The following ZNF644 variants were observed in gnomAD, a reference collection of about 807,000 sequenced individuals.
The protein encoded by ZNF644 is zinc finger protein 644.
A neutral mutation model predicts 108.0 loss-of-function variants in ZNF644; 20 were observed. The observed-to-expected ratio is 0.19, with a 90% CI of 0.13 to 0.27. The LOEUF (loss-of-function observed/expected upper bound fraction) is 0.27, where lower values mean the gene tolerates loss of function less well. ZNF644 is among the 10% of genes least tolerant of loss of function. The pLI is 1.00. For synonymous variants in ZNF644, 542 were observed against 539.1 expected, an observed-to-expected ratio of 1.01 and a Z score of -0.08; for missense variants, 1,338 against 1,548.9, an observed-to-expected ratio of 0.86 and a Z score of 2.29.
chr1:90,963,160 T>A (rs1213960592), intron 2 of ZNF644, among the ~76,000 whole-genome samples: 1 of 152,122 alleles, frequency 6.6e-6, no homozygotes, highest in Non-Finnish European at 1.5e-5. Context: ...ATAGTTCCTA[T>A]AAACCAGTAA....
At chr1:90,932,634 C>T (rs1379781127) in intron 4 of ZNF644, among the ~76,000 whole-genome samples, 3 of 151,860 alleles carry the variant, frequency 2.0e-5, no homozygotes, top group African/African-American at 7.3e-5. Context: ...GGGGGATAAT[C>T]AGTATGTGGA....
intron 1 of ZNF644, among the ~76,000 whole-genome samples, chr1:91,008,888 TAAC>T (rs1238092465): frequency 6.6e-6 from 1 of 152,122 alleles, no homozygotes; most frequent in African/African-American, 2.4e-5. Context: ...ACAGCAGGAA[TAAC>T]AGAAGGCTGT....
chr1:90,975,999 G>GA (rs1356708311), intron 2 of ZNF644, among the ~76,000 whole-genome samples: 1 of 152,082 alleles, frequency 6.6e-6, no homozygotes, highest in Non-Finnish European at 1.5e-5. Flanking sequence ...ATAGCACAAG[G>GA]AAACAGTTCA....
At chr1:90,920,551 AAG>A (rs1209859546) in intron 4 of ZNF644, among the ~76,000 whole-genome samples, 2 of 152,060 alleles carry the variant, frequency 1.3e-5, no homozygotes, top group African/African-American at 4.8e-5. Context: ...ATAGGGAAAA[AAG>A]AATTATTTTA....
At chr1:90,999,591 T>C (rs954721425) in intron 1 of ZNF644, among the ~76,000 whole-genome samples, 12 of 152,222 alleles carry the variant, frequency 7.9e-5, no homozygotes, top group Admixed American at 5.2e-4. Flanking sequence ...ACATGCCCAA[T>C]TGTAAAGACC....
intron 1 of ZNF644, among the ~76,000 whole-genome samples, chr1:91,003,937 G>C (rs1213392547): frequency 6.6e-6 from 1 of 151,918 alleles, no homozygotes; most frequent in African/African-American, 2.4e-5. Context: ...GAATTGAAAA[G>C]CACAATAACT....
intron 2 of ZNF644, among the ~76,000 whole-genome samples, chr1:90,953,020 A>G (rs1653350695): frequency 6.6e-6 from 1 of 151,692 alleles, no homozygotes; most frequent in African/African-American, 2.4e-5. Flanking sequence ...GAGGAAAAAA[A>G]AAAAAAAAAA....
chr1:90,988,726 T>C (rs929866582), intron 1 of ZNF644, among the ~76,000 whole-genome samples: 1 of 152,066 alleles, frequency 6.6e-6, no homozygotes, highest in African/African-American at 2.4e-5. Flanking sequence ...AGCCCAATAA[T>C]AAACCCATGC....
intron 2 of ZNF644, among the ~76,000 whole-genome samples, chr1:90,978,132 G>T (rs1468839733): frequency 1.3e-5 from 2 of 151,938 alleles, no homozygotes; most frequent in Non-Finnish European, 2.9e-5. Flanking sequence ...CCGGTGGATC[G>T]CCTGAGGTCA....
chr1:90,928,150 T>A (rs1441504550), intron 4 of ZNF644, among the ~76,000 whole-genome samples: 1 of 149,470 alleles, frequency 6.7e-6, no homozygotes, highest in Admixed American at 6.7e-5. Context: ...CCTGGCCTAT[T>A]TTCCTTTTGT....
intron 1 of ZNF644, among the ~76,000 whole-genome samples, chr1:90,989,718 G>C (rs1657453588): frequency 6.6e-6 from 1 of 152,088 alleles, no homozygotes; most frequent in South Asian, 2.1e-4. Flanking sequence ...GCACTGTTGG[G>C]GAAAATATAA....
At position 90,939,000 on chromosome 1, in the gene ZNF644, A is replaced by G; in HGVS notation, c.2354T>C (p.Phe785Ser). The change falls in exon 3 of 6, where the codon TTT becomes TCT. Residue 785 changes from phenylalanine to serine, a missense_variant. Physicochemically the swap from Phe to Ser is radical, Grantham distance 155 (BLOSUM62 -2). Around this residue, in one of 6 missense-constraint regions of ZNF644, gnomAD observed 462 missense variants for 472.6 expected, o/e 0.98. Coordinates refer to ENST00000337393, the MANE Select transcript of ZNF644 (RefSeq NM_201269.3). This position sits in a 1 kb window ranked among gnomAD's most constrained non-coding sequence, Gnocchi z 4.2. ...FSSSSNSHNN[F>S]ISDPHKPDAK... ...GTCAGGCTTATGAGGGTCTGAAATAAAATTGTTGTGAGAATTACTTGATGA... is the reference window on the plus strand; with the variant it reads ...GTCAGGCTTATGAGGGTCTGAAATAGAATTGTTGTGAGAATTACTTGATGA... The G allele has an allele frequency of 6.2e-7, 1 of 1,614,008 alleles. No individual in the cohort carries two copies. Among genetic ancestry groups the G allele is most frequent in the Non-Finnish European group, 8.5e-7 (1 of 1,179,930 alleles).
chr1:91,016,488 C>A (rs1413351736), intron 1 of ZNF644, among the ~76,000 whole-genome samples: 4 of 152,148 alleles, frequency 2.6e-5, no homozygotes, highest in Admixed American at 2.6e-4. Context: ...ACAACTGTAA[C>A]ATAACTGTTT....
intron 4 of ZNF644, among the ~76,000 whole-genome samples, chr1:90,921,495 T>A (rs531118603): frequency 5.3e-5 from 8 of 152,134 alleles, no homozygotes; most frequent in Admixed American, 1.3e-4. Context: ...ATACTTTAAA[T>A]ATATTAAAAA....
chr1:90,962,954 A>C (rs1294661540), intron 2 of ZNF644, among the ~76,000 whole-genome samples: 1 of 152,142 alleles, frequency 6.6e-6, no homozygotes, highest in East Asian at 1.9e-4. Flanking sequence ...GATAAAATGA[A>C]CTATACTAAA....
intron 4 of ZNF644, among the ~76,000 whole-genome samples, chr1:90,919,702 T>C (rs1276943737): frequency 6.6e-6 from 1 of 152,106 alleles, no homozygotes. Context: ...TAGAAAAATC[T>C]TATAAGGATC....
At chr1:90,917,981 A>C (rs1403332154) in intron 5 of ZNF644, 71 bp downstream of exon 5, 4 of 1,308,262 alleles carry the variant, frequency 3.1e-6, no homozygotes, top group Non-Finnish European at 4.4e-6. Flanking sequence ...AAAAATCCCA[A>C]ATGAAATAGC....
In ZNF644 at chr1:90,957,648, G is replaced by C. The variant is rs144629982; in HGVS notation, c.45-16339C>G. ...GGAAATGTCCTCAACATGACAAAGA[G>C]CATAAAAACCCATAACAAACATCAT... On this transcript the variant is annotated intron_variant, in intron 2 of 5. Coordinates refer to ENST00000337393, the MANE Select transcript of ZNF644 (RefSeq NM_201269.3). 2.7e-3 allele frequency among the ~76,000 whole-genome samples: 406 copies of C among 152,158 alleles called. 2 individuals carry two copies. Among genetic ancestry groups the C allele is most frequent in the African/African-American group, 9.3e-3 (388 of 41,528 alleles).
intron 2 of ZNF644, among the ~76,000 whole-genome samples, chr1:90,947,641 T>C (rs1009872707): frequency 3.3e-5 from 5 of 152,290 alleles, no homozygotes; most frequent in East Asian, 3.9e-4. Flanking sequence ...AATACTAAAC[T>C]ATCATATCTA....
Sources: gnomAD v4.1 joint callset for allele counts (sites outside exome capture counted in the v4.1 genomes callset) on GRCh38, gnomAD v4.1.1 for gene constraint, gnomAD v4.1.1 regional missense constraint, Gnocchi (gnomAD v3.1) non-coding constraint, MANE v1.5 for transcripts, NCBI Gene and HGNC (gene_info 2026-07-23, HGNC 2026-07-21) for gene names.